The following NCAM2 variants were observed in gnomAD, a reference collection of about 807,000 sequenced individuals.
NCAM2 encodes the protein N-CAM-2.
Under a neutral mutation model 98.1 loss-of-function variants are expected in NCAM2, and 30 were observed. The observed-to-expected ratio is 0.31, with a 90% confidence interval of 0.23 to 0.41. The LOEUF (loss-of-function observed/expected upper bound fraction) is 0.41, where lower values mean the gene tolerates loss of function less well. Among genes scored for constraint, NCAM2 ranks in the 10% least tolerant of loss-of-function variants. The pLI, the probability that NCAM2 is intolerant of heterozygous loss-of-function variation, is 1.00. For synonymous variants in NCAM2, 368 were observed against 342.4 expected, an observed-to-expected ratio of 1.07 and a Z score of -0.83; for missense variants, 867 against 1,005.8, an observed-to-expected ratio of 0.86 and a Z score of 1.87.
At chr21:21,366,963 T>C (rs1277375113) in intron 8 of NCAM2, among the ~76,000 whole-genome samples, 17 of 152,056 alleles carry the variant, frequency 1.1e-4, no homozygotes, top group Non-Finnish European at 1.5e-5. Context: ...ATGCAGTCAA[T>C]ACTTACTAAT....
rs1990116055 is a variant in NCAM2, at chr21:21,538,830, T to C, written c.*873T>C. ...ATGTGATTATCATTTATTTTTAAAA[T>C]AATTTATCAAAAAACAAGTCTTTAG... On this transcript the variant is annotated 3_prime_UTR_variant, in exon 18 of 18. Coordinates refer to ENST00000400546, the MANE Select transcript of NCAM2 (RefSeq NM_004540.5). 1 of 152,146 alleles carries C rather than the reference T, an allele frequency of 6.6e-6. No individual in the cohort carries two copies. The highest frequency in any genetic ancestry group is 1.5e-5 in the Non-Finnish European group (1 of 67,990). 9.4% of individuals were successfully genotyped at this position (152,146 alleles called of 1,614,324 possible).
At chr21:21,191,824 A>AT (rs2146967514) in intron 1 of NCAM2, among the ~76,000 whole-genome samples, 1 of 152,316 alleles carries the variant, frequency 6.6e-6, no homozygotes, top group South Asian at 2.1e-4. Context: ...CCTTAGGATG[A>AT]TTGCAACCTA....
At chr21:21,237,088 T>A (rs184639897) in intron 1 of NCAM2, among the ~76,000 whole-genome samples, 1 of 152,324 alleles carries the variant, frequency 6.6e-6, no homozygotes, top group African/African-American at 2.4e-5. Flanking sequence ...TAATTACTGA[T>A]TGATATTTAA....
At chr21:21,034,041 GAGAT>G (rs937109281) in intron 1 of NCAM2, among the ~76,000 whole-genome samples, 6 of 144,914 alleles carry the variant, frequency 4.1e-5, no homozygotes, top group Non-Finnish European at 6.0e-5. Context: ...TGTGAGATAA[GAGAT>G]AGGCAAAGGG....
At chr21:21,176,818 A>T (rs1444897159) in intron 1 of NCAM2, among the ~76,000 whole-genome samples, 1 of 151,896 alleles carries the variant, frequency 6.6e-6, no homozygotes, top group East Asian at 1.9e-4. Flanking sequence ...GTACTAGAGA[A>T]TTGCTGTACT....
intron 1 of NCAM2, among the ~76,000 whole-genome samples, chr21:21,219,452 A>G (rs1414702561): frequency 6.6e-6 from 1 of 152,226 alleles, no homozygotes; most frequent in Non-Finnish European, 1.5e-5. Context: ...TCATAAGACT[A>G]TAATGGAATG....
chr21:21,369,735 T>C (rs1330601440), intron 8 of NCAM2, among the ~76,000 whole-genome samples: 1 of 151,826 alleles, frequency 6.6e-6, no homozygotes, highest in East Asian at 1.9e-4. Flanking sequence ...TATTGGTCTT[T>C]CTTTTGCTTG....
At chr21:21,433,138 A>G (rs1208954535) in intron 12 of NCAM2, among the ~76,000 whole-genome samples, 1 of 152,218 alleles carries the variant, frequency 6.6e-6, no homozygotes, top group East Asian at 1.9e-4. Context: ...ACCCTACTTT[A>G]TCAGTTTGCA....
rs371663989 is a variant in NCAM2, at chr21:21,335,971, CAT to C, written c.898+307_898+308del. Among the ~76,000 whole-genome samples the C allele has an allele frequency of 1.3e-3, 197 of 152,092 alleles. 1 individual carries two copies. In the East Asian group the frequency reaches 0.026, roughly 20 times the overall value. ...GATCTCTGTAAGTCTCTAAATGACACATGTTAGGATCAGTTTTACTTACAATA... is the reference window on the plus strand; with the variant it reads ...GATCTCTGTAAGTCTCTAAATGACACGTTAGGATCAGTTTTACTTACAATA... On this transcript the variant is annotated intron_variant, in intron 7 of 17. Transcript: ENST00000400546.
chr21:21,372,519 T>C (rs1465155713), intron 8 of NCAM2, among the ~76,000 whole-genome samples: 1 of 151,752 alleles, frequency 6.6e-6, no homozygotes, highest in Non-Finnish European at 1.5e-5. Flanking sequence ...CTTTAGTAGG[T>C]GTTGAATCAG....
chr21:21,157,663 T>TA lies in NCAM2; in HGVS notation c.56-122906dup, dbSNP rs954854986. On this transcript the variant is annotated intron_variant, in intron 1 of 17. Coordinates refer to ENST00000400546, the MANE Select transcript of NCAM2 (RefSeq NM_004540.5). ...TCCTTTATATGGAATCATCTGCATTTAAAAAAAAACTTCGTAAAACATGCA... is the reference window on the plus strand; with the variant it reads ...TCCTTTATATGGAATCATCTGCATTTAAAAAAAAAACTTCGTAAAACATGCA... 1.3e-4 allele frequency among the ~76,000 whole-genome samples: 19 copies of TA among 151,560 alleles called. No individual in the cohort carries two copies. The East Asian group carries it at 1.9e-3, about 15-fold the overall frequency.
At chr21:21,103,083 G>A (rs780636120) in intron 1 of NCAM2, among the ~76,000 whole-genome samples, 8 of 152,140 alleles carry the variant, frequency 5.3e-5, no homozygotes, top group African/African-American at 9.6e-5. Context: ...AGAAAGTGAC[G>A]CTAGCTTACA....
chr21:21,409,816 A>G (rs1442006636), intron 9 of NCAM2, among the ~76,000 whole-genome samples: 2 of 152,194 alleles, frequency 1.3e-5, no homozygotes, highest in Non-Finnish European at 2.9e-5. Flanking sequence ...ACTGTGTTAA[A>G]TACACAAAAT....
intron 5 of NCAM2, among the ~76,000 whole-genome samples, chr21:21,306,848 T>G (rs560922507): frequency 4.6e-4 from 66 of 142,872 alleles, no homozygotes; most frequent in African/African-American, 1.6e-3. Context: ...AACCCCCTAC[T>G]ACAATTCCCA....
At chr21:21,493,121 A>C (rs1160528131) in intron 15 of NCAM2, among the ~76,000 whole-genome samples, 3 of 151,960 alleles carry the variant, frequency 2.0e-5, no homozygotes, top group African/African-American at 7.2e-5. Context: ...GTCGTGAAAG[A>C]AAGTTTAAGT....
At chr21:21,418,106 CAT>C (rs35572968) in intron 10 of NCAM2, among the ~76,000 whole-genome samples, 43,273 of 151,440 alleles carry the variant, frequency 0.29, 6,271 homozygotes, top group East Asian at 0.46. Flanking sequence ...TATATATATA[CAT>C]GTATACATAA....
At chr21:21,063,923 A>G (rs2146337885) in intron 1 of NCAM2, among the ~76,000 whole-genome samples, 1 of 152,318 alleles carries the variant, frequency 6.6e-6, no homozygotes, top group African/African-American at 2.4e-5. Context: ...TGATATTTGC[A>G]CACATAATGA....
intron 1 of NCAM2, among the ~76,000 whole-genome samples, chr21:21,276,115 T>C (rs1286262560): frequency 1.3e-5 from 2 of 152,112 alleles, no homozygotes; most frequent in Non-Finnish European, 2.9e-5. Flanking sequence ...TTTTTATGTT[T>C]CATTGTCGTC....
intron 16 of NCAM2, among the ~76,000 whole-genome samples, chr21:21,530,315 TAATTA>T (rs199704361): frequency 1.3e-4 from 3 of 22,250 alleles, no homozygotes; most frequent in African/African-American, 6.8e-4. Context: ...AAATTATATA[TAATTA>T]AATTAAATTA....
Sources: gnomAD v4.1 joint callset for allele counts (sites outside exome capture counted in the v4.1 genomes callset) on GRCh38, gnomAD v4.1.1 for gene constraint, MANE v1.5 for transcripts, NCBI Gene and HGNC (gene_info 2026-07-23, HGNC 2026-07-21) for gene names.